Variants in CTNNA3 observed in about 807,000 individuals in gnomAD.
CTNNA3 encodes the protein catenin alpha 3, also known as catenin alpha-3.
In CTNNA3, 76 loss-of-function variants were observed where a neutral mutation model predicts 95.7. The observed-to-expected ratio is 0.79, with a 90% CI of 0.66 to 0.96. CTNNA3 has a LOEUF of 0.96. CTNNA3 is among the 40% of genes least tolerant of loss of function. The pLI, the probability that CTNNA3 is intolerant of heterozygous loss-of-function variation, is 0.00. For synonymous variants in CTNNA3, 431 were observed against 374.4 expected (o/e 1.15, Z -1.74); for missense variants, 1,191 against 1,089.8 (o/e 1.09, Z -1.31).
intron 12 of CTNNA3, among the ~76,000 whole-genome samples, chr10:66,347,181 T>C (rs892500899): frequency 6.6e-6 from 1 of 152,134 alleles, no homozygotes; most frequent in Non-Finnish European, 1.5e-5. Context: ...TGTCATTTCC[T>C]ATGGGCCAAA....
chr10:66,118,583 CT>C (rs1398957030), intron 13 of CTNNA3, among the ~76,000 whole-genome samples: 2 of 152,076 alleles, frequency 1.3e-5, no homozygotes, highest in African/African-American at 4.8e-5. Flanking sequence ...ATCTTTCCAC[CT>C]ATTCAAAGTA....
At chr10:66,838,005 A>G (rs1842936500) in intron 7 of CTNNA3, among the ~76,000 whole-genome samples, 1 of 152,066 alleles carries the variant, frequency 6.6e-6, no homozygotes, top group Admixed American at 6.6e-5. Flanking sequence ...CTAAATCTGA[A>G]GAGTCTTCAT....
intron 1 of CTNNA3, among the ~76,000 whole-genome samples, chr10:67,757,464 G>A (rs546239105): frequency 3.3e-5 from 5 of 152,276 alleles, no homozygotes; most frequent in African/African-American, 1.2e-4. Context: ...ACTGAGAGAG[G>A]CAGACCCACC....
intron 13 of CTNNA3, among the ~76,000 whole-genome samples, chr10:66,199,977 C>A (rs923505793): frequency 2.7e-5 from 4 of 150,028 alleles, no homozygotes; most frequent in Admixed American, 6.7e-5. Context: ...AACTAAATTC[C>A]TATGGGCATC....
At chr10:67,562,578 C>G (rs569894244) in intron 3 of CTNNA3, among the ~76,000 whole-genome samples, 51 of 152,256 alleles carry the variant, frequency 3.3e-4, no homozygotes, top group Non-Finnish European at 4.3e-4. Flanking sequence ...AAAACTGGCA[C>G]AAGACAGGGA....
At chr10:67,184,276 C>T (rs574020826) in intron 6 of CTNNA3, among the ~76,000 whole-genome samples, 1 of 152,308 alleles carries the variant, frequency 6.6e-6, no homozygotes, top group South Asian at 2.1e-4. Flanking sequence ...TTTGCTTCGA[C>T]TCGATTACTT....
intron 17 of CTNNA3, among the ~76,000 whole-genome samples, chr10:65,955,978 T>C (rs1268700395): frequency 6.6e-6 from 1 of 152,188 alleles, no homozygotes; most frequent in Non-Finnish European, 1.5e-5. Flanking sequence ...GGCTCCTCTT[T>C]GTGCCTCTGG....
At chr10:67,733,965 C>T (rs1031179389) in intron 1 of CTNNA3, among the ~76,000 whole-genome samples, 3 of 152,158 alleles carry the variant, frequency 2.0e-5, no homozygotes, top group Non-Finnish European at 2.9e-5. Context: ...CAAATTTTCA[C>T]AAAATACTTA....
chr10:65,999,094 C>T (rs1470974360), intron 15 of CTNNA3, among the ~76,000 whole-genome samples: 1 of 151,984 alleles, frequency 6.6e-6, no homozygotes, highest in Admixed American at 6.5e-5. Flanking sequence ...ATAAAAAAAT[C>T]AACATTAATC....
At chr10:66,376,752 G>A (rs934531012) in intron 12 of CTNNA3, among the ~76,000 whole-genome samples, 1 of 152,126 alleles carries the variant, frequency 6.6e-6, no homozygotes, top group African/African-American at 2.4e-5. Context: ...AGGAAACACA[G>A]AGAAAGACAG....
At chr10:66,561,286 A>G (rs1341327597) in intron 10 of CTNNA3, among the ~76,000 whole-genome samples, 1 of 152,090 alleles carries the variant, frequency 6.6e-6, no homozygotes, top group Non-Finnish European at 1.5e-5. Flanking sequence ...AAATGTACTG[A>G]GAGGGCAAGA....
intron 5 of CTNNA3, among the ~76,000 whole-genome samples, chr10:67,381,776 G>T (rs1843955586): frequency 6.6e-6 from 1 of 152,160 alleles, no homozygotes; most frequent in African/African-American, 2.4e-5. Context: ...GTTCTTTCTA[G>T]AATTGAAAAC....
chr10:67,228,950 C>T (rs1186712097), intron 5 of CTNNA3, among the ~76,000 whole-genome samples: 1 of 151,890 alleles, frequency 6.6e-6, no homozygotes, highest in African/African-American at 2.4e-5. Context: ...AAGAAGGAAC[C>T]CTCCCTAATT....
At chr10:67,259,064 T>C (rs1050659963) in intron 5 of CTNNA3, among the ~76,000 whole-genome samples, 1 of 152,188 alleles carries the variant, frequency 6.6e-6, no homozygotes, top group African/African-American at 2.4e-5. Flanking sequence ...CGTTGTGCTC[T>C]TTTTCCCCAC....
At chr10:67,024,902 G>A (rs560356108) in intron 7 of CTNNA3, among the ~76,000 whole-genome samples, 14 of 152,056 alleles carry the variant, frequency 9.2e-5, no homozygotes, top group South Asian at 2.1e-4. Context: ...GGGCCAAGGC[G>A]GGCGGATCAC....
chr10:67,076,527 G>C (rs527625470), intron 7 of CTNNA3, among the ~76,000 whole-genome samples: 1 of 152,146 alleles, frequency 6.6e-6, no homozygotes, highest in East Asian at 1.9e-4. Flanking sequence ...TTCTTATAAA[G>C]TAAGTCAGAT....
At chr10:67,094,459 A>G (rs1358824971) in intron 7 of CTNNA3, among the ~76,000 whole-genome samples, 1 of 151,870 alleles carries the variant, frequency 6.6e-6, no homozygotes, top group Non-Finnish European at 1.5e-5. Flanking sequence ...TATTATTTAT[A>G]GTAATTGGGG....
intron 12 of CTNNA3, among the ~76,000 whole-genome samples, chr10:66,304,183 T>C (rs760754486): frequency 5.9e-5 from 9 of 152,040 alleles, no homozygotes; most frequent in Admixed American, 3.9e-4. Context: ...GGAATGCAAA[T>C]TGAAAACATG....
intron 12 of CTNNA3, among the ~76,000 whole-genome samples, chr10:66,365,440 T>G (rs1410374371): frequency 1.3e-5 from 2 of 151,964 alleles, no homozygotes; most frequent in Non-Finnish European, 2.9e-5. Flanking sequence ...AATGTAAGTG[T>G]TGGGTTGATG....
Sources: allele counts gnomAD v4.1 joint callset (sites outside exome capture counted in the v4.1 genomes callset), GRCh38; gene constraint gnomAD v4.1.1; transcripts MANE v1.5; gene names NCBI Gene and HGNC (gene_info 2026-07-23, HGNC 2026-07-21).